Variants in CALN1 observed in about 807,000 individuals in gnomAD.
The protein encoded by CALN1 is calneuron 1.
Under a neutral mutation model 30.6 loss-of-function variants are expected in CALN1, and 17 were observed. The observed-to-expected ratio is 0.56, with a 90% confidence interval of 0.38 to 0.83. The LOEUF (loss-of-function observed/expected upper bound fraction) is 0.83. CALN1 is among the 40% of genes least tolerant of loss of function. The probability of loss-of-function intolerance (pLI) is 0.00; values close to 1 mark genes in which losing one functional copy is unlikely to be tolerated. For synonymous variants in CALN1, 156 were observed against 131.4 expected, an observed-to-expected ratio of 1.19 and a Z score of -1.28; for missense variants, 291 against 354.9, an observed-to-expected ratio of 0.82 and a Z score of 1.45.
At chr7:72,090,002 T>C (rs1344526294) in intron 4 of CALN1, among the ~76,000 whole-genome samples, 1 of 152,184 alleles carries the variant, frequency 6.6e-6, no homozygotes, top group East Asian at 1.9e-4. Flanking sequence ...ATACTTACTT[T>C]GCATAATGCA....
At chr7:72,053,480 C>T (rs1359382266) in intron 4 of CALN1, among the ~76,000 whole-genome samples, 2 of 152,108 alleles carry the variant, frequency 1.3e-5, no homozygotes, top group Admixed American at 1.3e-4. Flanking sequence ...TTTGAGGAAT[C>T]GCCACACTGC....
chr7:71,859,839 G>A (rs1791168307), intron 5 of CALN1, among the ~76,000 whole-genome samples: 2 of 152,124 alleles, frequency 1.3e-5, no homozygotes, highest in East Asian at 1.9e-4. Flanking sequence ...GGTAAAATAA[G>A]GCTGAGACCC....
At chr7:72,320,777 G>C (rs1203539869) in intron 2 of CALN1, among the ~76,000 whole-genome samples, 1 of 143,184 alleles carries the variant, frequency 7.0e-6, no homozygotes, top group East Asian at 2.1e-4. Context: ...GGAGGTTGCA[G>C]TGAGCCGAGA....
At chr7:72,400,400 C>T (rs1203536754) in intron 2 of CALN1, among the ~76,000 whole-genome samples, 2 of 152,148 alleles carry the variant, frequency 1.3e-5, no homozygotes, top group Non-Finnish European at 2.9e-5. Flanking sequence ...ACAGAGAAAC[C>T]CAAGAGACTT....
chr7:72,065,130 AT>A (rs1219188422), intron 4 of CALN1, among the ~76,000 whole-genome samples: 1 of 148,342 alleles, frequency 6.7e-6, no homozygotes, highest in Non-Finnish European at 1.5e-5. Flanking sequence ...TATGTAAAAT[AT>A]ATTTATATTT....
chr7:71,997,233 T>TAAAA (rs557353720), intron 5 of CALN1, among the ~76,000 whole-genome samples: 1 of 133,570 alleles, frequency 7.5e-6, no homozygotes, highest in Non-Finnish European at 1.6e-5. Context: ...ATCCTGTCTC[T>TAAAA]AAAAAAAAAA....
At position 71,781,897 on chromosome 7, in the gene CALN1, A is replaced by T. The variant is rs1792738696; in HGVS notation, c.*5878T>A. ...CTGTCTTGTGGGTGGGACTGGAAAA[A>T]CCTCATTCTTTGTGATATATTTCCA... On this transcript the variant is annotated 3_prime_UTR_variant, in exon 7 of 7. Transcript: ENST00000395275. 6.6e-6 allele frequency: 1 copy of T among 151,622 alleles called. No homozygotes were observed. Among genetic ancestry groups the T allele is most frequent in the South Asian group, 2.1e-4 (1 of 4,812 alleles). The allele number at this position is 151,622 out of a possible 1,614,324, so 9.4% of individuals were successfully genotyped here.
chr7:71,964,518 T>C (rs1280136433), intron 5 of CALN1, among the ~76,000 whole-genome samples: 2 of 152,104 alleles, frequency 1.3e-5, no homozygotes, highest in Non-Finnish European at 2.9e-5. Flanking sequence ...GGAGAATGAG[T>C]GTAAGGTTTT....
intron 2 of CALN1, among the ~76,000 whole-genome samples, chr7:72,388,343 G>T (rs1191781194): frequency 2.6e-5 from 4 of 151,978 alleles, no homozygotes; most frequent in Non-Finnish European, 4.4e-5. Flanking sequence ...CATGGTCTCA[G>T]GAGTCTTGGA....
intron 2 of CALN1, among the ~76,000 whole-genome samples, chr7:72,384,412 A>G (rs1372391311): frequency 2.6e-5 from 4 of 152,204 alleles, no homozygotes; most frequent in South Asian, 2.1e-4. Flanking sequence ...AAAGGTAAAG[A>G]AGAGAGGAAG....
intron 5 of CALN1, among the ~76,000 whole-genome samples, chr7:71,980,312 G>C (rs535838110): frequency 3.3e-4 from 49 of 148,280 alleles, no homozygotes; most frequent in Non-Finnish European, 5.2e-4. Context: ...TCAGCCTCCT[G>C]TGTAGCTGGG....
At chr7:72,322,192 C>G (rs1562884767) in intron 2 of CALN1, among the ~76,000 whole-genome samples, 2 of 152,154 alleles carry the variant, frequency 1.3e-5, no homozygotes, top group Non-Finnish European at 2.9e-5. Context: ...GAGATAGTGA[C>G]AGATCATCAG....
chr7:72,140,889 GGGGC>G, intron 3 of CALN1, among the ~76,000 whole-genome samples: 1 of 152,242 alleles, frequency 6.6e-6, no homozygotes, highest in Admixed American at 6.5e-5. Context: ...CCAGGGCGCT[GGGGC>G]CTTGCTCTGC....
At chr7:71,993,831 G>A (rs562266962) in intron 5 of CALN1, among the ~76,000 whole-genome samples, 9 of 152,146 alleles carry the variant, frequency 5.9e-5, no homozygotes, top group Middle Eastern at 3.4e-3. Flanking sequence ...CTTGAGACAC[G>A]ATACGCTAAA....
At chr7:71,850,620 G>C (rs1790582605) in intron 5 of CALN1, among the ~76,000 whole-genome samples, 1 of 152,170 alleles carries the variant, frequency 6.6e-6, no homozygotes, top group Non-Finnish European at 1.5e-5. Flanking sequence ...TTTTTTGTAG[G>C]GGGGAGGTTA....
At chr7:72,347,508 C>T (rs988600840) in intron 2 of CALN1, among the ~76,000 whole-genome samples, 5 of 152,078 alleles carry the variant, frequency 3.3e-5, no homozygotes, top group African/African-American at 4.8e-5. Context: ...TCAGGTGATG[C>T]GCCAGCCTCG....
intron 2 of CALN1, among the ~76,000 whole-genome samples, chr7:72,359,651 C>T (rs1287879650): frequency 6.6e-6 from 1 of 152,010 alleles, no homozygotes; most frequent in African/African-American, 2.4e-5. Flanking sequence ...CTCATACAAA[C>T]TCAATCAAGT....
At chr7:72,455,564 A>G in the CALN1 span, among the ~76,000 whole-genome samples, 4 of 152,022 alleles carry the variant, frequency 2.6e-5, no homozygotes, top group African/African-American at 7.2e-5. Flanking sequence ...ACAATTGCAA[A>G]GGAGGACAAG....
At chr7:72,304,807 T>TA (rs1240588523) in intron 2 of CALN1, among the ~76,000 whole-genome samples, 5 of 152,218 alleles carry the variant, frequency 3.3e-5, no homozygotes, top group Non-Finnish European at 1.5e-5. Context: ...AACCAAAATG[T>TA]AAATACTAGT....
Sources: gnomAD v4.1 joint callset for allele counts (sites outside exome capture counted in the v4.1 genomes callset) on GRCh38, gnomAD v4.1.1 for gene constraint, MANE v1.5 for transcripts, NCBI Gene and HGNC (gene_info 2026-07-23, HGNC 2026-07-21) for gene names.